ADGRL2: variants seen among roughly 807,000 people sequenced by gnomAD.
ADGRL2 encodes calcium-independent alpha-latrotoxin receptor 2.
ADGRL2 carries 44 observed loss-of-function variants against 157.4 expected under a neutral mutation model. The observed-to-expected ratio is 0.28, with a 90% CI of 0.22 to 0.36. The LOEUF is 0.36. Ranked by LOEUF, ADGRL2 falls within the 10% of genes least tolerant of loss-of-function variation. The pLI, the probability that ADGRL2 is intolerant of heterozygous loss-of-function variation, is 1.00. For missense variants in ADGRL2, 1,510 were observed against 1,768.9 expected, an observed-to-expected ratio of 0.85 and a Z score of 2.63; for synonymous variants, 585 against 624.7, an observed-to-expected ratio of 0.94 and a Z score of 0.95.
intron 1 of ADGRL2, among the ~76,000 whole-genome samples, chr1:81,753,856 C>T (rs1571080063): frequency 1.3e-5 from 2 of 152,186 alleles, no homozygotes; most frequent in Non-Finnish European, 2.9e-5. Context: ...AGAAAGGAAT[C>T]CCAGAAGCTG....
chr1:81,544,999 A>G lies in ADGRL2; in HGVS notation c.-247-35877A>G, dbSNP rs544965472. On this transcript the variant is annotated intron_variant, in intron 2 of 24. Transcript: ENST00000370721. The stretch of plus-strand genomic sequence containing the variant: ...CCTTCTCCAAGAGCCTGGGTATACG[A>G]CAAAGACCCAGGTCACGAGACATCC... Among the ~76,000 whole-genome samples the G allele has an allele frequency of 3.2e-4, 48 of 152,258 alleles. 1 individual carries two copies. In the South Asian group the frequency reaches 8.9e-3, roughly 28 times the overall value.
chr1:81,857,299 T>A (rs573216920), intron 2 of ADGRL2, among the ~76,000 whole-genome samples: 2 of 152,328 alleles, frequency 1.3e-5, no homozygotes, highest in African/African-American at 4.8e-5. Context: ...TATTTCTAGA[T>A]GTATATACTG....
At chr1:81,589,256 T>C in intron 3 of ADGRL2, among the ~76,000 whole-genome samples, 1 of 152,150 alleles carries the variant, frequency 6.6e-6, no homozygotes, top group East Asian at 1.9e-4. Context: ...CTTGGTCCAA[T>C]TAACATGATT....
intron 1 of ADGRL2, among the ~76,000 whole-genome samples, chr1:81,364,041 T>C (rs1460768236): frequency 2.0e-5 from 3 of 152,182 alleles, no homozygotes; most frequent in Non-Finnish European, 4.4e-5. Flanking sequence ...TGAGGAAGAA[T>C]AAATTTTTAC....
At chr1:81,689,768 G>A (rs1160102925) in intron 3 of ADGRL2, among the ~76,000 whole-genome samples, 1 of 152,188 alleles carries the variant, frequency 6.6e-6, no homozygotes, top group East Asian at 1.9e-4. Flanking sequence ...GCAGGAAGGA[G>A]CCAGTGCGTT....
intron 1 of ADGRL2, among the ~76,000 whole-genome samples, chr1:81,399,195 C>T (rs2076708681): frequency 6.6e-6 from 1 of 152,134 alleles, no homozygotes; most frequent in African/African-American, 2.4e-5. Flanking sequence ...TGAGAACTTA[C>T]TCAGGATCAT....
chr1:81,955,602 T>C (rs1480400780), intron 10 of ADGRL2, among the ~76,000 whole-genome samples: 2 of 152,156 alleles, frequency 1.3e-5, no homozygotes, highest in African/African-American at 2.4e-5. Context: ...CTATCAACAA[T>C]TGAGGTGTGA....
rs536426655 is a variant in ADGRL2, at chr1:81,865,771, G to A, written c.73+28714G>A. On this transcript the variant is annotated intron_variant, in intron 2 of 23. Transcript: ENST00000686636. ...AATCTTGATCATTTTAAGCAGCATT[G>A]AAAATTTTGTTGGAAATGGTTTTAT... Among the ~76,000 whole-genome samples the A allele has an allele frequency of 5.3e-5, 8 of 152,240 alleles. No individual in the cohort carries two copies. The East Asian group carries it at 1.5e-3, about 29-fold the overall frequency.
intron 2 of ADGRL2, among the ~76,000 whole-genome samples, chr1:81,481,966 A>T (rs1298426791): frequency 6.6e-6 from 1 of 152,162 alleles, no homozygotes; most frequent in Non-Finnish European, 1.5e-5. Flanking sequence ...TACTCTATTG[A>T]CGTTTCTGAC....
At chr1:81,535,194 T>C (rs2079704708) in intron 2 of ADGRL2, among the ~76,000 whole-genome samples, 1 of 152,210 alleles carries the variant, frequency 6.6e-6, no homozygotes, top group African/African-American at 2.4e-5. Context: ...GTTGAAGGGT[T>C]TTGTTTTCCC....
At chr1:81,905,949 T>TGA (rs2094575957) in intron 2 of ADGRL2, among the ~76,000 whole-genome samples, 2 of 92,904 alleles carry the variant, frequency 2.2e-5, no homozygotes, top group African/African-American at 8.1e-5. Flanking sequence ...AAAAGCAGAG[T>TGA]GTGTGTGTGT....
intron 1 of ADGRL2, among the ~76,000 whole-genome samples, chr1:81,816,001 G>A (rs755439529): frequency 1.3e-5 from 2 of 151,660 alleles, no homozygotes; most frequent in Non-Finnish European, 3.0e-5. Flanking sequence ...AAAAAAATTA[G>A]GGAGTAAGAA....
At chr1:81,519,618 A>G (rs1051754323) in intron 2 of ADGRL2, among the ~76,000 whole-genome samples, 1 of 152,226 alleles carries the variant, frequency 6.6e-6, no homozygotes, top group Admixed American at 6.5e-5. Flanking sequence ...TAACTATTGT[A>G]TATTGAGCAT....
chr1:81,337,476 A>G (rs1661737591), intron 1 of ADGRL2, among the ~76,000 whole-genome samples: 1 of 152,184 alleles, frequency 6.6e-6, no homozygotes, highest in Non-Finnish European at 1.5e-5. Flanking sequence ...CTGTGGGCTG[A>G]GTAAACAAGC....
At chr1:81,360,965 A>G (rs886533529) in intron 1 of ADGRL2, among the ~76,000 whole-genome samples, 1 of 151,952 alleles carries the variant, frequency 6.6e-6, no homozygotes, top group Non-Finnish European at 1.5e-5. Context: ...GTAAATCTGT[A>G]GATAACAGAG....
chr1:81,457,782 T>C (rs2077837349), intron 2 of ADGRL2, among the ~76,000 whole-genome samples: 1 of 152,206 alleles, frequency 6.6e-6, no homozygotes, highest in Admixed American at 6.5e-5. Flanking sequence ...TCTCCATACC[T>C]TTTACACTCT....
intron 2 of ADGRL2, among the ~76,000 whole-genome samples, chr1:81,542,817 A>AT (rs1395708356): frequency 6.6e-6 from 1 of 152,194 alleles, no homozygotes; most frequent in African/African-American, 2.4e-5. Flanking sequence ...GATTATTCAG[A>AT]TTTTACAATA....
chr1:81,568,507 G>A (rs74414915), intron 2 of ADGRL2, among the ~76,000 whole-genome samples: 10 of 152,170 alleles, frequency 6.6e-5, no homozygotes, highest in South Asian at 2.1e-4. Context: ...AGCTAAATTC[G>A]TGTATATACA....
chr1:81,722,750 A>T, intron 1 of ADGRL2: 1 of 843,130 alleles, frequency 1.2e-6, no homozygotes, highest in Non-Finnish European at 2.0e-6. Context: ...AGAGTTAAGA[A>T]GGCTCAAGAA....
Sources: allele counts gnomAD v4.1 joint callset (sites outside exome capture counted in the v4.1 genomes callset), GRCh38; gene constraint gnomAD v4.1.1; transcripts MANE v1.5; gene names NCBI Gene and HGNC (gene_info 2026-07-23, HGNC 2026-07-21).